PKP4: variants seen among roughly 807,000 people sequenced by gnomAD.
PKP4 encodes plakophilin-4.
PKP4 carries 90 observed loss-of-function variants against 145.1 expected under a neutral mutation model. That is an observed-to-expected ratio of 0.62 (90% CI 0.52 to 0.74). The LOEUF is 0.74. PKP4 is among the 30% of genes least tolerant of loss of function. The pLI is 0.00. For synonymous variants in PKP4, 563 were observed against 577.2 expected (o/e 0.98, Z 0.35); for missense variants, 1,340 against 1,482.7 (o/e 0.90, Z 1.58).
chr2:158,583,979 G>A (rs993261309), intron 3 of PKP4, among the ~76,000 whole-genome samples: 1 of 152,152 alleles, frequency 6.6e-6, no homozygotes, highest in African/African-American at 2.4e-5. Context: ...TCTACAAATG[G>A]TTTAGCGCCA....
intron 1 of PKP4, among the ~76,000 whole-genome samples, chr2:158,508,194 T>TAA (rs3048021): frequency 3.4e-4 from 50 of 146,036 alleles, no homozygotes; most frequent in African/African-American, 8.3e-4. Flanking sequence ...CCGTCTCTAT[T>TAA]AAAAAAAAAA....
At chr2:158,610,496 TTTTC>T (rs2051043764) in intron 4 of PKP4, among the ~76,000 whole-genome samples, 1 of 152,214 alleles carries the variant, frequency 6.6e-6, no homozygotes, top group Non-Finnish European at 1.5e-5. Flanking sequence ...TACAGAATCT[TTTTC>T]TTTAAATCCT....
intron 19 of PKP4, among the ~76,000 whole-genome samples, chr2:158,674,536 C>G (rs1398528993): frequency 1.3e-5 from 2 of 152,170 alleles, no homozygotes; most frequent in Non-Finnish European, 2.9e-5. Flanking sequence ...CTGCAGACCC[C>G]CAGCATCTGC....
intron 2 of PKP4, among the ~76,000 whole-genome samples, chr2:158,536,820 T>C (rs946350377): frequency 6.6e-6 from 1 of 152,224 alleles, no homozygotes; most frequent in Non-Finnish European, 1.5e-5. Context: ...GTTCAAACGC[T>C]GCGTTTTTGA....
intron 1 of PKP4, among the ~76,000 whole-genome samples, chr2:158,505,505 T>C (rs2040890165): frequency 6.6e-6 from 1 of 152,242 alleles, no homozygotes; most frequent in South Asian, 2.1e-4. Flanking sequence ...TGCTGCCTGC[T>C]GACAGCTGTT....
At chr2:158,659,272 C>G (rs1276192454) in intron 12 of PKP4, 1 of 152,336 alleles carries the variant, frequency 6.6e-6, no homozygotes, top group Non-Finnish European at 1.5e-5. Flanking sequence ...CCAGCTCCTC[C>G]TAATTCAGAT....
chr2:158,599,796 C>T (rs2050074551), intron 3 of PKP4, among the ~76,000 whole-genome samples: 1 of 152,180 alleles, frequency 6.6e-6, no homozygotes, highest in Non-Finnish European at 1.5e-5. Flanking sequence ...ACTGTATCCA[C>T]CACAAATGCT....
At chr2:158,602,691 A>C (rs933877694) in intron 3 of PKP4, among the ~76,000 whole-genome samples, 11 of 152,208 alleles carry the variant, frequency 7.2e-5, no homozygotes, top group Non-Finnish European at 1.2e-4. Context: ...TTTTGAAAAT[A>C]CATAAAATAA....
intron 11 of PKP4, 129 bp from the exon 12 acceptor site, chr2:158,658,002 G>T (rs918491374): frequency 2.9e-5 from 18 of 629,614 alleles, no homozygotes; most frequent in Non-Finnish European, 4.7e-5. Context: ...TCCCACCCTG[G>T]TTGCAAATAT....
chr2:158,589,158 T>A (rs991381530), intron 3 of PKP4, among the ~76,000 whole-genome samples: 4 of 152,166 alleles, frequency 2.6e-5, no homozygotes, highest in African/African-American at 9.7e-5. Context: ...TAGCAGCAGT[T>A]GAACACCTAT....
chr2:158,608,565 T>G (rs765980854), intron 4 of PKP4, among the ~76,000 whole-genome samples: 9 of 152,120 alleles, frequency 5.9e-5, no homozygotes, highest in Non-Finnish European at 1.3e-4. Context: ...AGTAGTTACA[T>G]TTACTAATTT....
intron 1 of PKP4, among the ~76,000 whole-genome samples, chr2:158,522,225 A>C (rs1423203119): frequency 6.6e-6 from 1 of 152,202 alleles, no homozygotes; most frequent in African/African-American, 2.4e-5. Flanking sequence ...TATTTAGTTG[A>C]TTTGCCATCT....
intron 1 of PKP4, among the ~76,000 whole-genome samples, chr2:158,482,409 T>C (rs1002777876): frequency 6.6e-6 from 1 of 152,156 alleles, no homozygotes; most frequent in Admixed American, 6.5e-5. Flanking sequence ...TCAGCCTCCA[T>C]TGTAGTTGGA....
At chr2:158,641,529 G>A (rs2054282912) in intron 10 of PKP4, among the ~76,000 whole-genome samples, 1 of 151,970 alleles carries the variant, frequency 6.6e-6, no homozygotes, top group Non-Finnish European at 1.5e-5. Flanking sequence ...GCAAGTTACT[G>A]GTTATTGGCT....
At chr2:158,615,842 C>A (rs2051549599) in intron 4 of PKP4, among the ~76,000 whole-genome samples, 1 of 152,108 alleles carries the variant, frequency 6.6e-6, no homozygotes, top group South Asian at 2.1e-4. Flanking sequence ...TTTTCCGAGG[C>A]CTTTTTATAC....
At chr2:158,602,372 C>T (rs2050299593) in intron 3 of PKP4, among the ~76,000 whole-genome samples, 1 of 152,190 alleles carries the variant, frequency 6.6e-6, no homozygotes, top group East Asian at 1.9e-4. Context: ...AATGCTTAAT[C>T]TAGCATTTAA....
chr2:158,532,738 C>G (rs1044493258), intron 1 of PKP4, among the ~76,000 whole-genome samples: 14 of 152,316 alleles, frequency 9.2e-5, no homozygotes, highest in African/African-American at 3.4e-4. Context: ...TCTAAAGAAA[C>G]CAAGCTAGCT....
At chr2:158,487,042 A>G (rs1574056798) in intron 1 of PKP4, among the ~76,000 whole-genome samples, 1 of 152,230 alleles carries the variant, frequency 6.6e-6, no homozygotes, top group South Asian at 2.1e-4. Context: ...TATATTCCAT[A>G]TGAAACGTTA....
chr2:158,577,519 T>C (rs1284060324), intron 3 of PKP4, 136 bp downstream of exon 3: 2 of 615,234 alleles, frequency 3.3e-6, no homozygotes, highest in African/African-American at 3.7e-5. Flanking sequence ...AAAATGTCCA[T>C]TTATTCTAAT....
Sources: allele counts gnomAD v4.1 joint callset (sites outside exome capture counted in the v4.1 genomes callset), GRCh38; gene constraint gnomAD v4.1.1; transcripts MANE v1.5; gene names NCBI Gene and HGNC (gene_info 2026-07-23, HGNC 2026-07-21).